The following ZNF385D variants were observed in gnomAD, a reference collection of about 807,000 sequenced individuals.
ZNF385D encodes the protein zinc finger protein 385D.
Under a neutral mutation model 35.8 loss-of-function variants are expected in ZNF385D, and 15 were observed. That is an observed-to-expected ratio of 0.42 (90% CI 0.28 to 0.64). The LOEUF (loss-of-function observed/expected upper bound fraction) is 0.64. Among genes scored for constraint, ZNF385D ranks in the 30% least tolerant of loss-of-function variants. ZNF385D has a pLI of 0.23. For missense variants in ZNF385D, 474 were observed against 494.6 expected (o/e 0.96, Z 0.39); for synonymous variants, 212 against 186.8 (o/e 1.13, Z -1.10).
At chr3:22,208,571 A>G (rs904469679) in intron 2 of ZNF385D, among the ~76,000 whole-genome samples, 1 of 151,900 alleles carries the variant, frequency 6.6e-6, no homozygotes, top group South Asian at 2.1e-4. Flanking sequence ...GTATATAATT[A>G]TATTGTAACA....
intron 2 of ZNF385D, among the ~76,000 whole-genome samples, chr3:22,363,469 T>C (rs2125516065): frequency 6.6e-6 from 1 of 152,300 alleles, no homozygotes; most frequent in East Asian, 1.9e-4. Flanking sequence ...AACTTCTTTA[T>C]ATTCTGTAAG....
intron 3 of ZNF385D, among the ~76,000 whole-genome samples, chr3:22,106,531 T>C (rs1426184627): frequency 6.6e-6 from 1 of 152,166 alleles, no homozygotes; most frequent in Admixed American, 6.6e-5. Flanking sequence ...TTTCCAGATA[T>C]GACTTTAGCT....
At chr3:22,204,108 G>A (rs2087722) in intron 2 of ZNF385D, among the ~76,000 whole-genome samples, 5,724 of 152,032 alleles carry the variant, frequency 0.038, 179 homozygotes, top group Non-Finnish European at 0.047. Context: ...CTTCTTACAC[G>A]ACTTCCCCAG....
At chr3:22,231,920 T>C (rs1206291269) in intron 2 of ZNF385D, among the ~76,000 whole-genome samples, 3 of 152,080 alleles carry the variant, frequency 2.0e-5, no homozygotes, top group Non-Finnish European at 2.9e-5. Flanking sequence ...ATGGCACCTC[T>C]TCCCTGTTTC....
At chr3:21,956,074 T>C (rs1473713043) in intron 3 of ZNF385D, among the ~76,000 whole-genome samples, 2 of 151,980 alleles carry the variant, frequency 1.3e-5, no homozygotes, top group East Asian at 3.9e-4. Context: ...ATAGTCCCAG[T>C]ACTCAAGAGG....
intron 3 of ZNF385D, among the ~76,000 whole-genome samples, chr3:21,863,667 T>C (rs920221039): frequency 1.3e-5 from 2 of 152,118 alleles, no homozygotes; most frequent in Non-Finnish European, 2.9e-5. Flanking sequence ...GGAAGAAAGT[T>C]ATTCTGCAGT....
intron 2 of ZNF385D, among the ~76,000 whole-genome samples, chr3:22,220,975 C>T (rs1455200678): frequency 6.6e-6 from 1 of 152,110 alleles, no homozygotes; most frequent in Non-Finnish European, 1.5e-5. Flanking sequence ...ATGGAGAAAG[C>T]AATCTCTATA....
intron 3 of ZNF385D, among the ~76,000 whole-genome samples, chr3:22,014,520 G>A (rs1159398090): frequency 6.6e-6 from 1 of 151,956 alleles, no homozygotes; most frequent in Admixed American, 6.6e-5. Flanking sequence ...ATGTAAAATG[G>A]GCTATGTTAA....
intron 3 of ZNF385D, among the ~76,000 whole-genome samples, chr3:22,082,000 T>C (rs1700776486): frequency 2.0e-5 from 3 of 151,518 alleles, no homozygotes; most frequent in Admixed American, 2.0e-4. Flanking sequence ...TATTTTTTTT[T>C]TTTTTTTTTT....
At chr3:21,966,733 C>T (rs1421991608) in intron 3 of ZNF385D, among the ~76,000 whole-genome samples, 1 of 152,152 alleles carries the variant, frequency 6.6e-6, no homozygotes, top group African/African-American at 2.4e-5. Context: ...AGGCACGCAC[C>T]ACCACGCCCA....
chr3:22,133,084 T>C (rs1288669037), intron 3 of ZNF385D, among the ~76,000 whole-genome samples: 1 of 152,178 alleles, frequency 6.6e-6, no homozygotes. Flanking sequence ...TAAATGAAAG[T>C]GCAGCTAATT....
At chr3:21,841,542 G>A (rs950981191) in intron 3 of ZNF385D, among the ~76,000 whole-genome samples, 10 of 151,902 alleles carry the variant, frequency 6.6e-5, no homozygotes, top group East Asian at 3.9e-4. Context: ...ATAGCTCTTC[G>A]TTTTAATTGT....
At chr3:21,932,106 G>A (rs1701038449) in intron 3 of ZNF385D, among the ~76,000 whole-genome samples, 1 of 141,454 alleles carries the variant, frequency 7.1e-6, no homozygotes, top group Non-Finnish European at 1.5e-5. Context: ...GGCGGAGCTT[G>A]CAGTGAGCCG....
intron 3 of ZNF385D, among the ~76,000 whole-genome samples, chr3:21,762,216 AT>A: frequency 6.6e-6 from 1 of 152,194 alleles, no homozygotes; most frequent in Non-Finnish European, 1.5e-5. Flanking sequence ...TGAGGATAAT[AT>A]TCGAAGTTCT....
At chr3:21,812,524 G>C (rs2072966807) in intron 3 of ZNF385D, among the ~76,000 whole-genome samples, 1 of 152,236 alleles carries the variant, frequency 6.6e-6, no homozygotes, top group Non-Finnish European at 1.5e-5. Context: ...AACAGTCTTA[G>C]CAAATGGCAC....
chr3:21,960,229 G>C (rs13096244), intron 3 of ZNF385D, among the ~76,000 whole-genome samples: 1 of 65,726 alleles, frequency 1.5e-5, no homozygotes, highest in African/African-American at 4.3e-5. Flanking sequence ...CCCCAACACA[G>C]ACACTCACAG....
chr3:21,500,220 T>C (rs1271713038), intron 4 of ZNF385D, among the ~76,000 whole-genome samples: 1 of 152,236 alleles, frequency 6.6e-6, no homozygotes, highest in Admixed American at 6.5e-5. Context: ...TTATTGATTA[T>C]GTACATTCAA....
chr3:21,920,024 G>T (rs1483503389), intron 3 of ZNF385D, among the ~76,000 whole-genome samples: 1 of 152,072 alleles, frequency 6.6e-6, no homozygotes, highest in East Asian at 1.9e-4. Flanking sequence ...CATTTCCAGG[G>T]GTTGAGAAAA....
chr3:21,607,121 TCTTAAAATTGATGG>T (rs2064506795), intron 2 of ZNF385D, among the ~76,000 whole-genome samples: 1 of 152,204 alleles, frequency 6.6e-6, no homozygotes, highest in Non-Finnish European at 1.5e-5. Flanking sequence ...TCAAAATTAT[TCTTAAAATTGATGG>T]TGTGTACAGT....
Sources: gnomAD v4.1 joint callset for allele counts (sites outside exome capture counted in the v4.1 genomes callset) on GRCh38, gnomAD v4.1.1 for gene constraint, MANE v1.5 for transcripts, NCBI Gene and HGNC (gene_info 2026-07-23, HGNC 2026-07-21) for gene names.